AMPD3: variants seen among roughly 807,000 people sequenced by gnomAD.
AMPD3 encodes adenosine monophosphate deaminase 3, also known as AMP deaminase 3.
Under a neutral mutation model 82.3 loss-of-function variants are expected in AMPD3, and 57 were observed. The observed-to-expected ratio is 0.69, with a 90% CI of 0.56 to 0.86. The LOEUF is 0.86. Ranked by LOEUF, AMPD3 falls within the 40% of genes least tolerant of loss-of-function variation. The probability of loss-of-function intolerance (pLI) is 0.00; values close to 1 mark genes in which losing one functional copy is unlikely to be tolerated. For synonymous variants in AMPD3, 381 were observed against 394.7 expected, an observed-to-expected ratio of 0.97 and a Z score of 0.41; for missense variants, 870 against 1,003.8, an observed-to-expected ratio of 0.87 and a Z score of 1.80.
chr11:10,455,600 A>C (rs1848069799), intron 1 of AMPD3, among the ~76,000 whole-genome samples, 152 bp downstream of exon 1: 1 of 152,030 alleles, frequency 6.6e-6, no homozygotes, highest in Admixed American at 6.5e-5. Context: ...GAAAGGAAGG[A>C]GTGGGATGGG....
intron 14 of AMPD3, chr11:10,505,075 G>T (rs6484336): frequency 0.1 from 100,508 of 976,730 alleles, 5,438 homozygotes; most frequent in Admixed American, 0.14. Context: ...CATAGCAGGC[G>T]CTCAATATTT....
chr11:10,486,955 G>T (rs1482789623), intron 5 of AMPD3: 2 of 985,298 alleles, frequency 2.0e-6, no homozygotes, highest in African/African-American at 3.5e-5. Context: ...GAGGCTTGCG[G>T]TTAATTCCCT....
intron 6 of AMPD3, 33 bp downstream of exon 6, chr11:10,487,397 AC>A (rs776660265): frequency 6.2e-7 from 1 of 1,612,462 alleles, no homozygotes; most frequent in Non-Finnish European, 8.5e-7. Context: ...CAGCTGCCTC[AC>A]CCGGTCCCCC....
intron 7 of AMPD3, chr11:10,494,615 C>A: frequency 1.0e-6 from 1 of 985,370 alleles, no homozygotes; most frequent in African/African-American, 1.7e-5. Context: ...GTGGTGCAGC[C>A]TCTCTGCTCA....
At chr11:10,478,818 C>A in intron 3 of AMPD3, 88 bp downstream of exon 3, 1 of 1,388,522 alleles carries the variant, frequency 7.2e-7, no homozygotes, top group Non-Finnish European at 1.0e-6. Context: ...CCTCTGGAGC[C>A]TGGCCCTGTC....
rs553856722 is a variant in AMPD3, at chr11:10,471,853, T to G, written c.222-6673T>G. ...AATGCTTTTACACTGTTGGTGGGAGTGTAAATTAGTTCAACCATTGTGGAA... is the reference window on the plus strand; with the variant it reads ...AATGCTTTTACACTGTTGGTGGGAGGGTAAATTAGTTCAACCATTGTGGAA... On this transcript the variant is annotated intron_variant, in intron 2 of 14. Coordinates refer to ENST00000396553, the MANE Select transcript of AMPD3 (RefSeq NM_001025389.2). Among the ~76,000 whole-genome samples the G allele has an allele frequency of 2.0e-3, 301 of 152,176 alleles. 1 individual carries two copies. Among genetic ancestry groups the G allele is most frequent in the African/African-American group, 6.6e-3 (275 of 41,506 alleles).
In AMPD3 at chr11:10,485,013, C is replaced by G; in HGVS notation, c.783C>G (p.Ile261Met). 6.2e-7 allele frequency: 1 copy of G among 1,613,868 alleles called. No homozygotes were observed. The highest frequency in any genetic ancestry group is 8.5e-7 in the Non-Finnish European group (1 of 1,179,992). Residue 261 changes from isoleucine (I) to methionine (M), a missense_variant, in exon 5 of 15, where the codon ATC (isoleucine) becomes ATG (methionine). Physicochemically the swap from Ile to Met is conservative, Grantham distance 10. Coordinates refer to ENST00000396553, the MANE Select transcript of AMPD3 (RefSeq NM_001025389.2). ...CCTACACGGTGGACATGAGCCACAT[C>G]CTGGCTCTCATCACCGATGGCCCCA... Reference protein sequence around the residue: ...LETYTVDMSHILALITDGPTK... With the variant: ...LETYTVDMSHMLALITDGPTK...
intron 12 of AMPD3, 143 bp downstream of exon 12, chr11:10,501,733 A>G (rs1355486969): frequency 1.1e-5 from 16 of 1,475,364 alleles, no homozygotes; most frequent in Non-Finnish European, 9.0e-7. Context: ...TTTAATTATG[A>G]AAGTAATATA....
chr11:10,455,625 A>G (rs887737421), intron 1 of AMPD3, among the ~76,000 whole-genome samples, 177 bp downstream of exon 1: 33 of 152,116 alleles, frequency 2.2e-4, no homozygotes, highest in Middle Eastern at 3.2e-3. Context: ...TCAGCTTTTC[A>G]TCCTAGCCTG....
In AMPD3 at chr11:10,493,544, G is replaced by T. The variant is rs1849301830; in HGVS notation, c.1134+1G>T. 1 of 1,613,868 alleles carries T rather than the reference G, an allele frequency of 6.2e-7. No individual in the cohort carries two copies. The highest frequency in any genetic ancestry group is 1.3e-5 in the African/African-American group (1 of 75,074). On this transcript the variant is annotated splice_donor_variant, in intron 7 of 14. Coordinates refer to ENST00000396553, the MANE Select transcript of AMPD3 (RefSeq NM_001025389.2). LOFTEE classifies it high-confidence loss of function. ...TGTGGACTCACTGGATGTCCACGCG[G>T]TGAGTGAGCTTCTGCTCCAGTGCCG...
Position 10,456,004 on chromosome 11 carries a change from C to G in AMPD3, c.-6+556C>G. On this transcript the variant is annotated intron_variant, in intron 1 of 14. Transcript: ENST00000396553. This position sits in a 1 kb window ranked among gnomAD's most constrained non-coding sequence, Gnocchi z 4.3. ...GAGGGAGGCTGTGGCTTATCTCCTG[C>G]AGCTGGGCAGGACGGCTGAGTTTAC... 1.3e-5 allele frequency: 13 copies of G among 985,400 alleles called. No homozygotes were observed. Among genetic ancestry groups the G allele is most frequent in the Non-Finnish European group, 1.4e-5 (12 of 829,932 alleles). The allele number at this position is 985,400 out of a possible 1,614,324, so 61.0% of individuals were successfully genotyped here. A position where few individuals can be genotyped will look rare whatever the true frequency, so the allele number is the denominator to read the frequency against.
chr11:10,496,878 C>G lies in AMPD3; in HGVS notation c.1497C>G (p.Pro499=). 1 of 1,614,062 alleles carries G rather than the reference C, an allele frequency of 6.2e-7. No individual in the cohort carries two copies. The highest frequency in any genetic ancestry group is 8.5e-7 in the Non-Finnish European group (1 of 1,179,962). The change falls in exon 10 of 15, where the codon CCC becomes CCG. Residue 499 remains proline, a synonymous_variant. Transcript: ENST00000396553. The part of the protein sequence containing the change: ...FGKMLENIFL[P]LFKATINPQD... ...AGATGCTGGAGAACATCTTCCTGCC[C>G]CTTTTCAAGGCCACTATCAACCCCC...
At chr11:10,480,593 C>T (rs900573876) in intron 3 of AMPD3, among the ~76,000 whole-genome samples, 12 of 140,764 alleles carry the variant, frequency 8.5e-5, no homozygotes, top group African/African-American at 3.0e-4. Flanking sequence ...TATATTCAGA[C>T]TTCTTCCCTC....
chr11:10,454,206 T>C (rs1001923790), upstream of AMPD3, among the ~76,000 whole-genome samples: 1 of 152,178 alleles, frequency 6.6e-6, no homozygotes, highest in Non-Finnish European at 1.5e-5. Flanking sequence ...AAACTGCCCA[T>C]GTTCTGGGGA....
Position 10,497,776 on chromosome 11 carries a change from C to A in AMPD3, c.1557+838C>A. 6.1e-6 allele frequency: 6 copies of A among 985,358 alleles called. No individual in the cohort carries two copies. The South Asian group carries it at 2.3e-4, about 39-fold the overall frequency. The allele number at this position is 985,358 out of a possible 1,614,324, so 61.0% of individuals were successfully genotyped here. A position where few individuals can be genotyped will look rare whatever the true frequency, so the allele number is the denominator to read the frequency against. On this transcript the variant is annotated intron_variant, in intron 10 of 14. Coordinates refer to ENST00000396553, the MANE Select transcript of AMPD3 (RefSeq NM_001025389.2). Reference sequence around the variant, plus strand: ...GGCCTGCCTGGAGACAGGAGGGGAGCTTGACCCAGCGGAAATAGCTCACAC... The same window carrying A: ...GGCCTGCCTGGAGACAGGAGGGGAGATTGACCCAGCGGAAATAGCTCACAC...
upstream of AMPD3, chr11:10,451,176 G>A: frequency 6.7e-7 from 1 of 1,482,460 alleles, no homozygotes; most frequent in Non-Finnish European, 8.9e-7. Context: ...CGGTGGCGCT[G>A]ACTCCGGTCC....
At chr11:10,451,946 G>A (rs960412212), upstream of AMPD3, among the ~76,000 whole-genome samples, 3 of 152,204 alleles carry the variant, frequency 2.0e-5, no homozygotes, top group Non-Finnish European at 4.4e-5. Context: ...CTCTAGGAGT[G>A]TTGACAGCAG....
At chr11:10,458,232 C>T (rs1188422568) in intron 1 of AMPD3, among the ~76,000 whole-genome samples, 1 of 102,426 alleles carries the variant, frequency 9.8e-6, no homozygotes, top group East Asian at 2.8e-4. Context: ...ATTGCCTGGA[C>T]AACATGGCAA....
At chr11:10,488,564 G>T (rs1849148441) in intron 6 of AMPD3, among the ~76,000 whole-genome samples, 1 of 152,210 alleles carries the variant, frequency 6.6e-6, no homozygotes, top group Non-Finnish European at 1.5e-5. Context: ...AGCGGGTTGT[G>T]GGGAGAGTAA....
Sources: allele counts gnomAD v4.1 joint callset (sites outside exome capture counted in the v4.1 genomes callset), GRCh38; gene constraint gnomAD v4.1.1; non-coding constraint Gnocchi (gnomAD v3.1); transcripts MANE v1.5; gene names NCBI Gene and HGNC (gene_info 2026-07-23, HGNC 2026-07-21).